The following PAQR8 variants were observed in gnomAD, a reference collection of about 807,000 sequenced individuals.
The protein encoded by PAQR8 is progestin and adipoQ receptor family member 8, also known as membrane progestin receptor beta.
PAQR8 carries 17 observed loss-of-function variants against 25.2 expected under a neutral mutation model. The ratio of observed to expected loss-of-function variants is 0.67; its 90% CI spans 0.46 to 1.01. The LOEUF is 1.01. Ranked by LOEUF, PAQR8 falls within the 50% of genes least tolerant of loss-of-function variation. PAQR8 has a pLI of 0.00. For missense variants in PAQR8, 392 were observed against 448.4 expected (o/e 0.87, Z 1.14); for synonymous variants, 204 against 190.6 (o/e 1.07, Z -0.58).
intron 1 of PAQR8, among the ~76,000 whole-genome samples, chr6:52,390,100 GA>G (rs1490596111): frequency 6.6e-6 from 1 of 152,224 alleles, no homozygotes; most frequent in Non-Finnish European, 1.5e-5. Flanking sequence ...CTGAACTGTT[GA>G]TTGCCTGGAG....
At chr6:52,378,150 A>T (rs938627895) in intron 1 of PAQR8, among the ~76,000 whole-genome samples, 1 of 152,232 alleles carries the variant, frequency 6.6e-6, no homozygotes, top group Non-Finnish European at 1.5e-5. Context: ...TGTTTTATTT[A>T]TTTAAGTCAC....
chr6:52,401,475 A>G (rs1156575326), intron 1 of PAQR8, among the ~76,000 whole-genome samples: 21 of 152,268 alleles, frequency 1.4e-4, no homozygotes, highest in Admixed American at 9.2e-4. Context: ...TAATTGCTGT[A>G]TTCGTCTGTC....
rs138992716 is a variant in PAQR8 at position 52,403,386 on chromosome 6, C to T, written c.173C>T (p.Thr58Met). The change falls in exon 2 of 2, where the codon ACG becomes ATG. Residue 58 changes from threonine (T) to methionine (M), a missense_variant. Thr to Met is a moderately conservative substitution (Grantham distance 81). Transcript: ENST00000442253. ...EPYIRTGYRP[T>M]GHEWRYYFFS... ...TACATCCGCACCGGCTACCGCCCCA[C>T]GGGGCACGAGTGGCGCTACTACTTC... is the stretch of plus-strand genomic sequence containing the variant. 1.4e-5 allele frequency: 22 copies of T among 1,614,128 alleles called. No homozygotes were observed. Among genetic ancestry groups the T allele is most frequent in the Non-Finnish European group, 1.8e-5 (21 of 1,180,054 alleles).
rs116832475 is a variant in PAQR8 at position 52,403,004 on chromosome 6, G to A, written c.-52-158G>A. ...GAGGATCACCTGAGCCCAGGAATTA[G>A]AGGTTGCAATGAGCTGTGATCGTGC... is the stretch of plus-strand genomic sequence containing the variant. On this transcript the variant is annotated intron_variant, in intron 1 of 1. Transcript: ENST00000442253. Among the ~76,000 whole-genome samples, 478 of 152,348 alleles carry A rather than the reference G, an allele frequency of 3.1e-3. 2 individuals are homozygous for A. The highest frequency in any genetic ancestry group is 5.5e-3 in the Non-Finnish European group (376 of 68,026).
At chr6:52,396,067 A>G (rs1357554787) in intron 1 of PAQR8, among the ~76,000 whole-genome samples, 1 of 152,218 alleles carries the variant, frequency 6.6e-6, no homozygotes, top group African/African-American at 2.4e-5. Context: ...TATATGCCAG[A>G]TATTATTTTC....
intron 1 of PAQR8, among the ~76,000 whole-genome samples, chr6:52,364,083 G>GTTTTTTTTTTTTTTTTTTTTTTTTTTTTT (rs67846872): frequency 2.4e-5 from 2 of 84,268 alleles, no homozygotes; most frequent in African/African-American, 4.6e-5. Context: ...TGAAAGATAT[G>GTTTTTTTTTTTTTTTTTTTTTTTTTTTTT]TTTTTTTTTT....
At chr6:52,386,815 G>C (rs925732426) in intron 1 of PAQR8, among the ~76,000 whole-genome samples, 3 of 152,096 alleles carry the variant, frequency 2.0e-5, no homozygotes, top group African/African-American at 7.2e-5. Context: ...CTCCTGAATA[G>C]AAAAGAAAAG....
At chr6:52,371,808 A>G (rs1236043854) in intron 1 of PAQR8, among the ~76,000 whole-genome samples, 2 of 152,250 alleles carry the variant, frequency 1.3e-5, no homozygotes, top group Non-Finnish European at 2.9e-5. Flanking sequence ...GGAGGGAGAT[A>G]TCCCAGTACA....
chr6:52,380,048 A>C (rs1291258927), intron 1 of PAQR8, among the ~76,000 whole-genome samples: 2 of 152,232 alleles, frequency 1.3e-5, no homozygotes, highest in Non-Finnish European at 2.9e-5. Flanking sequence ...GGCGTGAGCC[A>C]CCCGACCCGG....
At chr6:52,387,289 T>A (rs1763644307) in intron 1 of PAQR8, among the ~76,000 whole-genome samples, 1 of 152,188 alleles carries the variant, frequency 6.6e-6, no homozygotes, top group Non-Finnish European at 1.5e-5. Context: ...ACAAGCACTA[T>A]CTTCTCATCT....
intron 1 of PAQR8, among the ~76,000 whole-genome samples, chr6:52,391,260 C>T (rs1201925505): frequency 1.3e-5 from 2 of 152,150 alleles, no homozygotes; most frequent in African/African-American, 4.8e-5. Context: ...GTGGAGACTA[C>T]AGTGAAAAAC....
chr6:52,386,584 C>A (rs1924462), intron 1 of PAQR8, among the ~76,000 whole-genome samples: 13,875 of 152,160 alleles, frequency 0.091, 1,111 homozygotes, highest in East Asian at 0.44. Context: ...AAACCAAATA[C>A]CACATGTTTT....
At chr6:52,366,707 T>A (rs573056519) in intron 1 of PAQR8, among the ~76,000 whole-genome samples, 93 of 152,202 alleles carry the variant, frequency 6.1e-4, no homozygotes, top group African/African-American at 2.1e-3. Flanking sequence ...TATGTACTTG[T>A]AAAGGACCAG....
chr6:52,388,542 A>G (rs1189231969), intron 1 of PAQR8, among the ~76,000 whole-genome samples: 1 of 152,140 alleles, frequency 6.6e-6, no homozygotes, highest in East Asian at 1.9e-4. Flanking sequence ...GATGAATGGT[A>G]TTACTGCCTT....
chr6:52,384,422 G>C (rs1358022509), intron 1 of PAQR8, among the ~76,000 whole-genome samples: 1 of 152,116 alleles, frequency 6.6e-6, no homozygotes, highest in Non-Finnish European at 1.5e-5. Context: ...GTGCTGGTTA[G>C]GGCAGAGTGA....
At position 52,404,835 on chromosome 6, in the gene PAQR8, A is replaced by G. The variant is rs1196900674; in HGVS notation, c.*557A>G. 1 of 169,170 alleles carries G rather than the reference A, an allele frequency of 5.9e-6. No individual in the cohort carries two copies. The highest frequency in any genetic ancestry group is 2.4e-5 in the African/African-American group (1 of 41,408). 10.5% of individuals were successfully genotyped at this position (169,170 alleles called of 1,614,324 possible). ...TGGTCCCTCCTTTCTCGACAACTAT[A>G]ATACTAACCCTTTTCTCAGGATAAC... On this transcript the variant is annotated 3_prime_UTR_variant, in exon 2 of 2. Transcript: ENST00000442253.
rs563394279 is a variant in PAQR8 at position 52,364,378 on chromosome 6, A to C, written c.-53+2129A>C. Among the ~76,000 whole-genome samples the C allele has an allele frequency of 3.3e-5, 5 of 152,318 alleles. 1 individual carries two copies. The highest frequency in any genetic ancestry group is 1.2e-4 in the African/African-American group (5 of 41,572). On this transcript the variant is annotated intron_variant, in intron 1 of 1. Transcript: ENST00000442253. ...ATTGAGTGGTCAGGACCTTGCATCA[A>C]AATCTGCACTATCATTCCTGCAGCA...
At chr6:52,397,079 T>A (rs1416408487) in intron 1 of PAQR8, among the ~76,000 whole-genome samples, 1 of 152,206 alleles carries the variant, frequency 6.6e-6, no homozygotes. Flanking sequence ...GGTAGTGTCA[T>A]TGTCACTTAA....
intron 1 of PAQR8, among the ~76,000 whole-genome samples, chr6:52,386,583 ACC>A (rs1220029531): frequency 6.6e-6 from 1 of 152,214 alleles, no homozygotes; most frequent in Admixed American, 6.5e-5. Context: ...AAAACCAAAT[ACC>A]ACATGTTTTT....
Sources: allele counts gnomAD v4.1 joint callset (sites outside exome capture counted in the v4.1 genomes callset), GRCh38; gene constraint gnomAD v4.1.1; transcripts MANE v1.5; gene names NCBI Gene and HGNC (gene_info 2026-07-23, HGNC 2026-07-21).